The following PRKN variants were observed in gnomAD, a reference collection of about 807,000 sequenced individuals.
The protein encoded by PRKN is parkin RBR E3 ubiquitin protein ligase, also known as E3 ubiquitin-protein ligase parkin.
In PRKN, 56 loss-of-function variants were observed where a neutral mutation model predicts 59.5. The observed-to-expected ratio is 0.94, with a 90% confidence interval of 0.76 to 1.18. The LOEUF (loss-of-function observed/expected upper bound fraction) is 1.18. PRKN is among the 50% of genes most tolerant of loss of function. The pLI is 0.00. For synonymous variants in PRKN, 250 were observed against 222.1 expected, an observed-to-expected ratio of 1.13 and a Z score of -1.12; for missense variants, 657 against 596.4, an observed-to-expected ratio of 1.10 and a Z score of -1.06.
chr6:161,887,934 G>A (rs1795215257), intron 6 of PRKN, among the ~76,000 whole-genome samples: 1 of 152,094 alleles, frequency 6.6e-6, no homozygotes, highest in African/African-American at 2.4e-5. Context: ...TTATGAATTT[G>A]TTTTAAAAAA....
chr6:162,726,790 G>C (rs1425189128), intron 1 of PRKN, among the ~76,000 whole-genome samples: 3 of 152,146 alleles, frequency 2.0e-5, no homozygotes, highest in Non-Finnish European at 4.4e-5. Flanking sequence ...ATAACCTGGA[G>C]AAACCTCCAC....
intron 9 of PRKN, among the ~76,000 whole-genome samples, chr6:161,387,564 A>G (rs1786315215): frequency 6.6e-6 from 1 of 152,248 alleles, no homozygotes; most frequent in South Asian, 2.1e-4. Context: ...GCAAAGTTTA[A>G]TTGGTATTAG....
At chr6:162,312,906 C>T (rs571345969) in intron 2 of PRKN, among the ~76,000 whole-genome samples, 70 of 152,022 alleles carry the variant, frequency 4.6e-4, no homozygotes, top group Non-Finnish European at 7.2e-4. Context: ...GTAGCATCTA[C>T]ATTATCTTTA....
At chr6:162,679,017 C>T (rs1779664896) in intron 1 of PRKN, among the ~76,000 whole-genome samples, 1 of 152,076 alleles carries the variant, frequency 6.6e-6, no homozygotes, top group Non-Finnish European at 1.5e-5. Flanking sequence ...CTCAGGTGAC[C>T]TGCCTGCCTT....
At chr6:162,527,807 G>A (rs2846501) in intron 1 of PRKN, among the ~76,000 whole-genome samples, 53,461 of 151,758 alleles carry the variant, frequency 0.35, 11,199 homozygotes, top group Middle Eastern at 0.51. Context: ...ACATACAGTC[G>A]CTCCTTTTAA....
At position 161,361,811 on chromosome 6, in the gene PRKN, C is replaced by T. The variant is rs917626371; in HGVS notation, c.1168-1606G>A. Among the ~76,000 whole-genome samples, 19 of 152,330 alleles carry T rather than the reference C, an allele frequency of 1.2e-4. No homozygotes were observed. Among genetic ancestry groups the T allele is most frequent in the Admixed American group, 3.9e-4 (6 of 15,300 alleles). On this transcript the variant is annotated intron_variant, in intron 10 of 11. Transcript: ENST00000366898. The surrounding 1 kb of genome is among the most constrained non-coding windows in gnomAD (Gnocchi z 5.2). The stretch of plus-strand genomic sequence containing the variant: ...GGTAGGTCAATGAGTGCTTCCTTTG[C>T]TAAGATCCACTCACGGCAGAGGCCC...
chr6:161,681,627 C>T (rs994900078), intron 7 of PRKN, among the ~76,000 whole-genome samples: 2 of 152,164 alleles, frequency 1.3e-5, no homozygotes, highest in Non-Finnish European at 2.9e-5. Flanking sequence ...TGCTTTGACG[C>T]CAGGTGGCTT....
intron 1 of PRKN, among the ~76,000 whole-genome samples, chr6:162,498,039 A>G (rs1386272306): frequency 6.6e-6 from 1 of 152,168 alleles, no homozygotes; most frequent in Admixed American, 6.5e-5. Context: ...CAATTGTTAT[A>G]TGTCTATTTA....
At chr6:161,638,738 A>ATTTTTTTTTTTTTTTTTTT (rs386409169) in intron 7 of PRKN, among the ~76,000 whole-genome samples, 1 of 100,224 alleles carries the variant, frequency 1.0e-5, no homozygotes, top group African/African-American at 4.5e-5. Context: ...ACGAGATCTG[A>ATTTTTTTTTTTTTTTTTTT]TTTTTTTTTT....
chr6:161,970,988 A>G (rs1287206820), intron 6 of PRKN, among the ~76,000 whole-genome samples: 1 of 152,162 alleles, frequency 6.6e-6, no homozygotes, highest in Non-Finnish European at 1.5e-5. Context: ...TCGAAGTCAG[A>G]AGAAAGAGTT....
At chr6:162,113,782 T>C (rs1161771916) in intron 4 of PRKN, among the ~76,000 whole-genome samples, 1 of 152,250 alleles carries the variant, frequency 6.6e-6, no homozygotes, top group African/African-American at 2.4e-5. Context: ...AGACATGAAG[T>C]CCTTGCCCTG....
At position 162,353,813 on chromosome 6, in the gene PRKN, T is replaced by C. The variant is rs147610775; in HGVS notation, c.171+89497A>G. The stretch of plus-strand genomic sequence containing the variant: ...TGTGAAATTCCATATAAATCTAATG[T>C]GGGGATTGACCAATTTTATGTGTCT... On this transcript the variant is annotated intron_variant, in intron 2 of 11. Transcript: ENST00000366898. Among the ~76,000 whole-genome samples the C allele has an allele frequency of 5.6e-4, 86 of 152,238 alleles. 1 individual carries two copies. The East Asian group carries it at 0.014, about 25-fold the overall frequency.
Position 161,919,134 on chromosome 6 carries a change from G to A in PRKN, c.734+54168C>T, listed in dbSNP as rs563062334. Among the ~76,000 whole-genome samples the A allele has an allele frequency of 9.2e-5, 14 of 152,306 alleles. No individual in the cohort carries two copies. In the South Asian group the frequency reaches 1.2e-3, roughly 14 times the overall value. ...ACAACGCAAATGTCCATCTACTGGT[G>A]AATGGATAAACAAAAGGTATCGTAT... is the stretch of plus-strand genomic sequence containing the variant. On this transcript the variant is annotated intron_variant, in intron 6 of 11. Transcript: ENST00000366898.
chr6:161,399,886 A>G lies in PRKN; in HGVS notation c.1084-13009T>C, dbSNP rs1402922042. On this transcript the variant is annotated intron_variant, in intron 9 of 11. Coordinates refer to ENST00000366898, the MANE Select transcript of PRKN (RefSeq NM_004562.3). This position sits in a 1 kb window ranked among gnomAD's most constrained non-coding sequence, Gnocchi z 4.4. ...TATATGAAAAGAGGAAAAAGAAACA[A>G]GTAAAATTAATTTCAATATTTTACT... Among the ~76,000 whole-genome samples the G allele has an allele frequency of 6.6e-6, 1 of 152,250 alleles. No homozygotes were observed. The highest frequency in any genetic ancestry group is 1.5e-5 in the Non-Finnish European group (1 of 68,052).
chr6:162,444,883 C>T (rs564079568), intron 1 of PRKN, among the ~76,000 whole-genome samples: 2 of 152,238 alleles, frequency 1.3e-5, no homozygotes, highest in East Asian at 1.9e-4. Context: ...AAATAAACCA[C>T]AGACCATATT....
chr6:162,645,868 CTTTTTTTT>C (rs751656108), intron 1 of PRKN, among the ~76,000 whole-genome samples: 3 of 121,138 alleles, frequency 2.5e-5, no homozygotes, highest in Non-Finnish European at 3.5e-5. Flanking sequence ...TAAACTTTCT[CTTTTTTTT>C]TTTTTTTTTT....
chr6:161,808,748 C>T (rs1244453501), intron 6 of PRKN, among the ~76,000 whole-genome samples: 1 of 151,152 alleles, frequency 6.6e-6, no homozygotes, highest in East Asian at 1.9e-4. Flanking sequence ...CAAAAAGGTG[C>T]CATAGTCATA....
intron 7 of PRKN, among the ~76,000 whole-genome samples, chr6:161,743,243 A>T: frequency 1.8e-5 from 1 of 54,082 alleles, no homozygotes; most frequent in African/African-American, 5.6e-5. Context: ...TTTTTTTGAG[A>T]CGGAGTCTCT....
intron 7 of PRKN, among the ~76,000 whole-genome samples, chr6:161,740,735 T>C (rs958192154): frequency 1.3e-5 from 2 of 152,352 alleles, no homozygotes; most frequent in African/African-American, 4.8e-5. Context: ...GCTGATTCAG[T>C]GCAGAGTCTC....
Sources: gnomAD v4.1 joint callset for allele counts (sites outside exome capture counted in the v4.1 genomes callset) on GRCh38, gnomAD v4.1.1 for gene constraint, Gnocchi (gnomAD v3.1) non-coding constraint, MANE v1.5 for transcripts, NCBI Gene and HGNC (gene_info 2026-07-23, HGNC 2026-07-21) for gene names.